DIAPH2: variants seen among roughly 807,000 people sequenced by gnomAD.
DIAPH2 encodes diaphanous related formin 2.
DIAPH2 carries 35 observed loss-of-function variants against 92.7 expected under a neutral mutation model. That is an observed-to-expected ratio of 0.38 (90% CI 0.29 to 0.50). The LOEUF (loss-of-function observed/expected upper bound fraction) is 0.50. Among genes scored for constraint, DIAPH2 ranks in the 20% least tolerant of loss-of-function variants. DIAPH2 has a pLI of 0.94. For missense variants in DIAPH2, 701 were observed against 819.5 expected, an observed-to-expected ratio of 0.86 and a Z score of 1.77; for synonymous variants, 301 against 280.4, an observed-to-expected ratio of 1.07 and a Z score of -0.73.
intron 23 of DIAPH2, among the ~76,000 whole-genome samples, chrX:97,315,359 G>C (rs1411881996): frequency 8.9e-6 from 1 of 111,862 alleles, no homozygotes; most frequent in African/African-American, 3.2e-5. Flanking sequence ...GTAATATAAG[G>C]CATGATATGG....
chrX:97,206,820 T>A (rs1046718776), intron 22 of DIAPH2, among the ~76,000 whole-genome samples: 3 of 111,600 alleles, frequency 2.7e-5, no homozygotes, highest in African/African-American at 6.5e-5. Flanking sequence ...TAAAATGCTG[T>A]GGGTCAGGAA....
chrX:97,015,259 TACTA>T (rs1349340932), intron 17 of DIAPH2, among the ~76,000 whole-genome samples: 3 of 111,706 alleles, frequency 2.7e-5, no homozygotes, highest in Admixed American at 9.5e-5. Context: ...TATTCTGCAA[TACTA>T]ACTGTTATAT....
intron 21 of DIAPH2, among the ~76,000 whole-genome samples, chrX:97,138,384 GA>G (rs1486340459): frequency 1.4e-5 from 1 of 72,653 alleles, no homozygotes; most frequent in Non-Finnish European, 3.0e-5. Context: ...AAAAAGAAAT[GA>G]TCAAAATCAG....
chrX:97,284,832 ATACC>A (rs1186299581), intron 23 of DIAPH2, among the ~76,000 whole-genome samples: 1 of 111,194 alleles, frequency 9.0e-6, no homozygotes, highest in Admixed American at 9.7e-5. Flanking sequence ...TAAGCTATGA[ATACC>A]TAGAAGGCAA....
chrX:97,231,383 G>T (rs1325977), intron 22 of DIAPH2, among the ~76,000 whole-genome samples: 47,577 of 108,342 alleles, frequency 0.44, 9,171 homozygotes, highest in Non-Finnish European at 0.6. Flanking sequence ...ACATCTGGAT[G>T]TACTGTTTTA....
At chrX:97,001,028 G>T (rs1296007053) in intron 17 of DIAPH2, among the ~76,000 whole-genome samples, 2 of 112,213 alleles carry the variant, frequency 1.8e-5, no homozygotes, top group African/African-American at 6.5e-5. Context: ...ATACTGAAGA[G>T]AGTTAACTAT....
At chrX:97,431,933 G>T (rs866432507) in intron 26 of DIAPH2, among the ~76,000 whole-genome samples, 1 of 111,677 alleles carries the variant, frequency 9.0e-6, no homozygotes, top group Admixed American at 9.5e-5. Context: ...TGCTAGTCCC[G>T]TTATTTTTAC....
At position 97,079,942 on chromosome X, in the gene DIAPH2, T is replaced by C. The variant is rs764930460; in HGVS notation, c.2247+4681T>C. Reference sequence around the variant, plus strand: ...TTTAAATAGTTATTTTTCTATAGTTTTTTCTTGAAACAATCTACACTATAT... The same window carrying C: ...TTTAAATAGTTATTTTTCTATAGTTCTTTCTTGAAACAATCTACACTATAT... On this transcript the variant is annotated intron_variant, in intron 19 of 26. Coordinates refer to ENST00000324765, the MANE Select transcript of DIAPH2 (RefSeq NM_006729.5). 5.5e-5 allele frequency among the ~76,000 whole-genome samples: 6 copies of C among 109,893 alleles called. No homozygotes were observed. In the South Asian group the frequency reaches 2.4e-3, roughly 44 times the overall value.
intron 4 of DIAPH2, among the ~76,000 whole-genome samples, chrX:96,777,948 T>C (rs777263789): frequency 9.2e-6 from 1 of 109,227 alleles, no homozygotes; most frequent in Admixed American, 9.8e-5. Flanking sequence ...TTGTTACATA[T>C]GTATACATGT....
chrX:97,405,722 A>G (rs2069803042), intron 25 of DIAPH2, among the ~76,000 whole-genome samples: 2 of 112,039 alleles, frequency 1.8e-5, no homozygotes, highest in South Asian at 7.4e-4. Context: ...TATGTCTCTA[A>G]ATATTAGTTC....
intron 10 of DIAPH2, among the ~76,000 whole-genome samples, chrX:96,932,994 A>G (rs2065629221): frequency 9.0e-6 from 1 of 111,474 alleles, no homozygotes. Flanking sequence ...TTTCTTTATC[A>G]CATCTCTTCA....
intron 26 of DIAPH2, among the ~76,000 whole-genome samples, chrX:97,475,526 A>G (rs1199371273): frequency 8.9e-6 from 1 of 112,043 alleles, no homozygotes; most frequent in Non-Finnish European, 1.9e-5. Flanking sequence ...TTTCAGAGAG[A>G]TAATTCTAAT....
chrX:97,057,974 T>TA (rs747388371), intron 17 of DIAPH2, among the ~76,000 whole-genome samples: 257 of 99,929 alleles, frequency 2.6e-3, no homozygotes, highest in Middle Eastern at 5.1e-3. Flanking sequence ...TTGTTGTCAG[T>TA]AAAAAAAAAA....
intron 25 of DIAPH2, among the ~76,000 whole-genome samples, chrX:97,413,476 C>T (rs2069902068): frequency 9.0e-6 from 1 of 111,255 alleles, no homozygotes; most frequent in African/African-American, 3.3e-5. Flanking sequence ...TGGAAGCATT[C>T]CCTTTGAAAA....
chrX:96,858,544 C>A (rs975273987), intron 4 of DIAPH2, among the ~76,000 whole-genome samples: 1 of 111,759 alleles, frequency 8.9e-6, no homozygotes, highest in African/African-American at 3.3e-5. Context: ...AAATTCTTGC[C>A]AAGCTTTGGG....
chrX:96,946,048 T>G (rs2065736395), intron 14 of DIAPH2, among the ~76,000 whole-genome samples: 1 of 111,738 alleles, frequency 8.9e-6, no homozygotes, highest in Admixed American at 9.5e-5. Context: ...TCTCACTCTC[T>G]TTCTCTCTGT....
intron 16 of DIAPH2, among the ~76,000 whole-genome samples, chrX:96,964,876 C>G (rs193301640): frequency 1.7e-3 from 193 of 111,116 alleles, no homozygotes; most frequent in African/African-American, 6.0e-3. Context: ...GTGCAATTTG[C>G]TTTGTGGTCT....
chrX:97,046,480 TTAGCAACAG>T (rs1262206556), intron 17 of DIAPH2, among the ~76,000 whole-genome samples: 1 of 111,539 alleles, frequency 9.0e-6, no homozygotes, highest in Non-Finnish European at 1.9e-5. Flanking sequence ...ACCTAACAGT[TTAGCAACAG>T]TGTAGTATGG....
At chrX:97,047,793 C>CA (rs1233212566) in intron 17 of DIAPH2, among the ~76,000 whole-genome samples, 1 of 108,653 alleles carries the variant, frequency 9.2e-6, no homozygotes, top group Non-Finnish European at 1.9e-5. Context: ...ATGATTCTAA[C>CA]AAAAAGAAAT....
Sources: gnomAD v4.1 joint callset for allele counts (sites outside exome capture counted in the v4.1 genomes callset) on GRCh38, gnomAD v4.1.1 for gene constraint, MANE v1.5 for transcripts, NCBI Gene and HGNC (gene_info 2026-07-23, HGNC 2026-07-21) for gene names.